The following MEIS2 variants were observed in gnomAD, a reference collection of about 807,000 sequenced individuals.
The protein encoded by MEIS2 is homeobox protein Meis2.
In MEIS2, 9 loss-of-function variants were observed where a neutral mutation model predicts 58.6. That is an observed-to-expected ratio of 0.15 (90% CI 0.09 to 0.27). The LOEUF is 0.27. MEIS2 is among the 10% of genes least tolerant of loss of function. The probability of loss-of-function intolerance (pLI) is 1.00; values close to 1 mark genes in which losing one functional copy is unlikely to be tolerated. For missense variants in MEIS2, 427 were observed against 635.0 expected, an observed-to-expected ratio of 0.67 and a Z score of 3.52; for synonymous variants, 221 against 228.4, an observed-to-expected ratio of 0.97 and a Z score of 0.29.
intron 8 of MEIS2, among the ~76,000 whole-genome samples, chr15:36,997,892 C>T (rs1157602048): frequency 6.6e-6 from 1 of 152,188 alleles, no homozygotes; most frequent in Non-Finnish European, 1.5e-5. Context: ...ATTCAGTTTA[C>T]TGGTGCTTAC....
intron 9 of MEIS2, among the ~76,000 whole-genome samples, chr15:36,932,253 C>T (rs1423754225): frequency 6.6e-6 from 1 of 152,002 alleles, no homozygotes; most frequent in African/African-American, 2.4e-5. Context: ...TAAGAGATGC[C>T]GAGTTGCATG....
chr15:36,930,751 T>C (rs1329273932), intron 9 of MEIS2, among the ~76,000 whole-genome samples: 5 of 152,202 alleles, frequency 3.3e-5, no homozygotes, highest in African/African-American at 1.2e-4. Flanking sequence ...TGTAAACATA[T>C]ACTGTTCATG....
At chr15:37,017,772 T>G (rs987675279) in intron 8 of MEIS2, among the ~76,000 whole-genome samples, 1 of 152,232 alleles carries the variant, frequency 6.6e-6, no homozygotes, top group Non-Finnish European at 1.5e-5. Flanking sequence ...GTACAAGTCC[T>G]CTTTTTATTC....
intron 8 of MEIS2, among the ~76,000 whole-genome samples, chr15:36,995,717 A>AAAAAAC (rs1567158766): frequency 8.7e-5 from 4 of 45,724 alleles, no homozygotes; most frequent in African/African-American, 2.4e-4. Context: ...AAAAAAAAAA[A>AAAAAAC]AAAAAAAAAA....
At chr15:36,946,846 C>T (rs968517002) in intron 9 of MEIS2, among the ~76,000 whole-genome samples, 2 of 151,976 alleles carry the variant, frequency 1.3e-5, no homozygotes, top group Non-Finnish European at 1.5e-5. Context: ...TTTAACCCCA[C>T]ACGGTCTGAT....
At chr15:37,020,771 A>G (rs552985731) in intron 8 of MEIS2, among the ~76,000 whole-genome samples, 1 of 151,524 alleles carries the variant, frequency 6.6e-6, no homozygotes, top group African/African-American at 2.4e-5. Flanking sequence ...AAACCCATAA[A>G]CCTTTGAACT....
chr15:36,992,014 C>T (rs1369469852), intron 8 of MEIS2, among the ~76,000 whole-genome samples: 1 of 151,182 alleles, frequency 6.6e-6, no homozygotes, highest in East Asian at 2.0e-4. Context: ...GTCTCGATCT[C>T]CTGACCTCGT....
chr15:36,904,946 C>T (rs2056658287), intron 9 of MEIS2, among the ~76,000 whole-genome samples: 1 of 152,074 alleles, frequency 6.6e-6, no homozygotes, highest in Non-Finnish European at 1.5e-5. Context: ...CTAGAGATGC[C>T]CTATCAACCA....
chr15:36,956,188 C>CAAAAAAAAAAAAAAAAA (rs372946912), intron 8 of MEIS2, among the ~76,000 whole-genome samples: 1 of 56,630 alleles, frequency 1.8e-5, no homozygotes, highest in Non-Finnish European at 3.2e-5. Flanking sequence ...AACTCCATCT[C>CAAAAAAAAAAAAAAAAA]AAAAAAAAAA....
At chr15:36,936,825 G>A (rs755352715) in intron 9 of MEIS2, among the ~76,000 whole-genome samples, 16 of 152,192 alleles carry the variant, frequency 1.1e-4, no homozygotes, top group Non-Finnish European at 2.2e-4. Context: ...TAACAAGGAT[G>A]ATTCATTCAT....
At chr15:37,094,293 G>A (rs928834391) in intron 5 of MEIS2, among the ~76,000 whole-genome samples, 1 of 152,112 alleles carries the variant, frequency 6.6e-6, no homozygotes, top group African/African-American at 2.4e-5. Flanking sequence ...AAATAATCCT[G>A]AATGCCTGAG....
intron 8 of MEIS2, among the ~76,000 whole-genome samples, chr15:36,970,979 A>T (rs1192735106): frequency 6.6e-6 from 1 of 152,148 alleles, no homozygotes; most frequent in Non-Finnish European, 1.5e-5. Flanking sequence ...TCAACAGATT[A>T]ATAGATAAGA....
At chr15:36,918,007 C>T (rs1192671390) in intron 9 of MEIS2, among the ~76,000 whole-genome samples, 1 of 152,180 alleles carries the variant, frequency 6.6e-6, no homozygotes, top group East Asian at 1.9e-4. Flanking sequence ...CTAGAAGTCA[C>T]AATTCTTGAT....
chr15:36,981,545 T>C (rs2141509488), intron 8 of MEIS2, among the ~76,000 whole-genome samples: 1 of 152,168 alleles, frequency 6.6e-6, no homozygotes. Context: ...TTATTTAAGG[T>C]ATACAGTGTG....
intron 8 of MEIS2, among the ~76,000 whole-genome samples, chr15:36,967,242 T>G (rs2141451001): frequency 6.6e-6 from 1 of 152,300 alleles, no homozygotes; most frequent in African/African-American, 2.4e-5. Context: ...TATAAATATT[T>G]TGTGATGTGT....
chr15:36,958,958 T>G (rs964153754), intron 8 of MEIS2, among the ~76,000 whole-genome samples: 36 of 152,238 alleles, frequency 2.4e-4, no homozygotes, highest in African/African-American at 8.0e-4. Context: ...ATGGGTCATT[T>G]GTTGAAATAG....
At chr15:36,956,188 C>CAAAAAA (rs372946912) in intron 8 of MEIS2, among the ~76,000 whole-genome samples, 2 of 56,648 alleles carry the variant, frequency 3.5e-5, no homozygotes, top group Non-Finnish European at 6.3e-5. Context: ...AACTCCATCT[C>CAAAAAA]AAAAAAAAAA....
intron 7 of MEIS2, among the ~76,000 whole-genome samples, chr15:37,062,786 G>A (rs1364651443): frequency 1.3e-5 from 2 of 152,096 alleles, no homozygotes; most frequent in Non-Finnish European, 2.9e-5. Flanking sequence ...TATGTTTTTG[G>A]AATGTATTTT....
At chr15:36,982,258 G>A (rs1336826774) in intron 8 of MEIS2, among the ~76,000 whole-genome samples, 2 of 152,106 alleles carry the variant, frequency 1.3e-5, no homozygotes, top group African/African-American at 4.8e-5. Context: ...CAGTTACCAT[G>A]CTGTACATTA....
Sources: allele counts gnomAD v4.1 joint callset (sites outside exome capture counted in the v4.1 genomes callset), GRCh38; gene constraint gnomAD v4.1.1; transcripts MANE v1.5; gene names NCBI Gene and HGNC (gene_info 2026-07-23, HGNC 2026-07-21).